The following PTPA variants were observed in gnomAD, a reference collection of about 807,000 sequenced individuals.
PTPA encodes protein phosphatase 2 phosphatase activator, also known as serine/threonine-protein phosphatase 2A activator.
PTPA carries 13 observed loss-of-function variants against 43.6 expected under a neutral mutation model. The observed-to-expected ratio is 0.30, with a 90% confidence interval of 0.19 to 0.47. The LOEUF is 0.47. Ranked by LOEUF, PTPA falls within the 20% of genes least tolerant of loss-of-function variation. PTPA has a pLI of 0.99. For missense variants in PTPA, 329 were observed against 411.9 expected, an observed-to-expected ratio of 0.80 and a Z score of 1.74; for synonymous variants, 172 against 158.2, an observed-to-expected ratio of 1.09 and a Z score of -0.66.
At chr9:129,131,022 G>A (rs1347591732) in intron 4 of PTPA, among the ~76,000 whole-genome samples, 1 of 152,112 alleles carries the variant, frequency 6.6e-6, no homozygotes, top group Non-Finnish European at 1.5e-5. Context: ...GTATTCTATT[G>A]TATGAATATA....
At chr9:129,146,383 A>G (rs949073671) in intron 9 of PTPA, among the ~76,000 whole-genome samples, 4 of 151,370 alleles carry the variant, frequency 2.6e-5, no homozygotes, top group Admixed American at 6.6e-5. Flanking sequence ...CTTAGGTTCC[A>G]CAGCTGATTT....
upstream of PTPA, chr9:129,111,019 C>A: frequency 7.3e-7 from 1 of 1,370,258 alleles, no homozygotes; most frequent in South Asian, 1.1e-5. Flanking sequence ...CACATGTCTT[C>A]TAAGCTGTTG....
At position 129,136,492 on chromosome 9, in the gene PTPA, A is replaced by G; in HGVS notation, c.582A>G (p.Lys194=). ...GCAGGTACCTTGAGGTTATGCGGAAACTCCAGAAAACATACAGGATGGAGC... is the reference window on the plus strand; with the variant it reads ...GCAGGTACCTTGAGGTTATGCGGAAGCTCCAGAAAACATACAGGATGGAGC... ...VFNRYLEVMR[K]LQKTYRMEPA... is the part of the protein sequence containing the mutation. The change falls in exon 7 of 10, where the codon AAA becomes AAG. Residue 194 remains lysine, a synonymous_variant. Coordinates refer to ENST00000393370, the MANE Select transcript of PTPA (RefSeq NM_178000.3). 6.2e-7 allele frequency: 1 copy of G among 1,612,700 alleles called. No individual in the cohort carries two copies. Among genetic ancestry groups the G allele is most frequent in the Non-Finnish European group, 8.5e-7 (1 of 1,179,278 alleles).
Position 129,137,663 on chromosome 9 carries a change from T to C in PTPA, c.757T>C (p.Phe253Leu), listed in dbSNP as rs984209938. The change falls in exon 8 of 10, where the codon TTC becomes CTC. Residue 253 changes from phenylalanine to leucine, a missense_variant. Physicochemically the swap from Phe to Leu is conservative, Grantham distance 22 (BLOSUM62 0). Coordinates refer to ENST00000393370, the MANE Select transcript of PTPA (RefSeq NM_178000.3). ...GAATGAGAACCACAAGGACTACATGTTCCTGGAGTGTATCCTGTTTATTAC... is the reference window on the plus strand; with the variant it reads ...GAATGAGAACCACAAGGACTACATGCTCCTGGAGTGTATCCTGTTTATTAC... The part of the protein sequence containing the change: ...AVNENHKDYM[F>L]LECILFITEM... The C allele has an allele frequency of 1.9e-5, 30 of 1,611,206 alleles. 1 individual carries two copies. The Admixed American group carries it at 4.0e-4, about 22-fold the overall frequency.
At chr9:129,138,584 ATCCCTCCTCAG>A (rs1330222414) in intron 8 of PTPA, among the ~76,000 whole-genome samples, 9 of 152,108 alleles carry the variant, frequency 5.9e-5, no homozygotes, top group South Asian at 2.1e-4. Flanking sequence ...TGAGAGTTCT[ATCCCTCCTCAG>A]TCCCTTTCCC....
rs184321151 is a variant in PTPA, at chr9:129,114,831, G to C, written c.31+3200G>C. 3.9e-5 allele frequency among the ~76,000 whole-genome samples: 6 copies of C among 152,234 alleles called. No homozygotes were observed. In the South Asian group the frequency reaches 6.2e-4, roughly 16 times the overall value. ...ATTTATCACCATCCTGCCTTTGAAG[G>C]CTTGTTTCTTTGATTTGGGATTGTG... On this transcript the variant is annotated intron_variant, in intron 1 of 9. Transcript: ENST00000393370.
intron 3 of PTPA, among the ~76,000 whole-genome samples, chr9:129,128,757 A>AC (rs1344390332): frequency 6.6e-6 from 1 of 152,078 alleles, no homozygotes; most frequent in African/African-American, 2.4e-5. Flanking sequence ...TGCTAAAGCC[A>AC]CCCCGTCCCT....
At chr9:129,115,268 A>G (rs955544419) in intron 1 of PTPA, among the ~76,000 whole-genome samples, 1 of 152,222 alleles carries the variant, frequency 6.6e-6, no homozygotes, top group Non-Finnish European at 1.5e-5. Context: ...TTGAAGTGCC[A>G]ATTTACTAAT....
intron 8 of PTPA, among the ~76,000 whole-genome samples, chr9:129,141,476 G>T (rs1280781810): frequency 1.3e-5 from 2 of 151,990 alleles, no homozygotes; most frequent in Non-Finnish European, 2.9e-5. Context: ...TGTAAATGCT[G>T]CCTATGAGCT....
chr9:129,111,044 C>T (rs777794472), upstream of PTPA: 4 of 1,369,124 alleles, frequency 2.9e-6, no homozygotes, highest in African/African-American at 5.9e-5. Flanking sequence ...TAGTGGTGTG[C>T]ACCTTTCCAA....
chr9:129,129,553 T>A (rs1001824413), intron 4 of PTPA, among the ~76,000 whole-genome samples: 3 of 151,890 alleles, frequency 2.0e-5, no homozygotes, highest in African/African-American at 7.3e-5. Context: ...CACTGCAAGC[T>A]CCACCTCCTG....
Position 129,147,447 on chromosome 9 carries a change from C to T in PTPA, c.955C>T (p.Pro319Ser), listed in dbSNP as rs768697965. 88 of 1,613,956 alleles carry T rather than the reference C, an allele frequency of 5.5e-5. No individual in the cohort carries two copies. The highest frequency in any genetic ancestry group is 7.2e-5 in the Non-Finnish European group (85 of 1,179,986). Residue 319 changes from proline to serine, a missense_variant, in exon 10 of 10, where the codon CCT becomes TCT. Coordinates refer to ENST00000393370, the MANE Select transcript of PTPA (RefSeq NM_178000.3). ...GTTCGGGAGCCTGCTGCCCATCCAT[C>T]CTGTCACGTCGGGCTAGGAGGGGCC... ...FKFGSLLPIH[P>S]VTSG
intron 1 of PTPA, among the ~76,000 whole-genome samples, chr9:129,115,796 C>T (rs966318224): frequency 4.0e-5 from 6 of 151,038 alleles, no homozygotes; most frequent in East Asian, 2.0e-4. Context: ...CCCACCACCA[C>T]GCCTGGCTAA....
At chr9:129,122,250 G>C (rs1439982412) in intron 2 of PTPA, among the ~76,000 whole-genome samples, 1 of 152,030 alleles carries the variant, frequency 6.6e-6, no homozygotes, top group Non-Finnish European at 1.5e-5. Flanking sequence ...CCACAGGCAC[G>C]TACCACCACA....
intron 6 of PTPA, among the ~76,000 whole-genome samples, chr9:129,135,322 G>C (rs1212821626): frequency 1.3e-5 from 2 of 152,138 alleles, no homozygotes; most frequent in East Asian, 3.9e-4. Flanking sequence ...GAACCCAGGA[G>C]GCGGAGGTTG....
At chr9:129,117,720 G>A (rs1014236856) in intron 1 of PTPA, among the ~76,000 whole-genome samples, 2 of 125,182 alleles carry the variant, frequency 1.6e-5, no homozygotes, top group African/African-American at 5.8e-5. Context: ...TTTTTTTTAA[G>A]ACAGTCTCAC....
intron 3 of PTPA, among the ~76,000 whole-genome samples, chr9:129,126,492 T>C (rs1007548607): frequency 6.6e-6 from 1 of 152,164 alleles, no homozygotes; most frequent in African/African-American, 2.4e-5. Flanking sequence ...CTAGCTCTTA[T>C]TTTAAATGAT....
At chr9:129,128,069 G>T (rs1394489737) in intron 3 of PTPA, 1 of 1,325,758 alleles carries the variant, frequency 7.5e-7, no homozygotes, top group Non-Finnish European at 1.0e-6. Context: ...ACCTTCGGAG[G>T]TATTTATCAT....
intron 1 of PTPA, among the ~76,000 whole-genome samples, chr9:129,115,915 TTA>T (rs1171838474): frequency 6.6e-6 from 1 of 152,020 alleles, no homozygotes; most frequent in Non-Finnish European, 1.5e-5. Flanking sequence ...AGTGCTGCGA[TTA>T]CAGGCCTGAG....
Sources: gnomAD v4.1 joint callset for allele counts (sites outside exome capture counted in the v4.1 genomes callset) on GRCh38, gnomAD v4.1.1 for gene constraint, MANE v1.5 for transcripts, NCBI Gene and HGNC (gene_info 2026-07-23, HGNC 2026-07-21) for gene names.